Variants in TRDN observed in about 807,000 individuals in gnomAD.
TRDN encodes triadin.
In TRDN, 161 loss-of-function variants were observed where a neutral mutation model predicts 149.7. The ratio of observed to expected loss-of-function variants is 1.08; its 90% CI spans 0.95 to 1.23. The LOEUF is 1.23. Among genes scored for constraint, TRDN ranks in the 50% most tolerant of loss-of-function variants. The probability of loss-of-function intolerance (pLI) is 0.00; values close to 1 mark genes in which losing one functional copy is unlikely to be tolerated. For synonymous variants in TRDN, 294 were observed against 250.5 expected, an observed-to-expected ratio of 1.17 and a Z score of -1.64; for missense variants, 896 against 823.5, an observed-to-expected ratio of 1.09 and a Z score of -1.08.
At chr6:123,442,718 T>C (rs1040464750) in intron 10 of TRDN, among the ~76,000 whole-genome samples, 1 of 152,182 alleles carries the variant, frequency 6.6e-6, no homozygotes, top group Non-Finnish European at 1.5e-5. Flanking sequence ...ATAATCTTTT[T>C]AGGTAATTTT....
At chr6:123,581,572 C>G (rs914925298) in intron 1 of TRDN, among the ~76,000 whole-genome samples, 1 of 152,012 alleles carries the variant, frequency 6.6e-6, no homozygotes, top group East Asian at 1.9e-4. Context: ...GAAGGTTATG[C>G]GGTATATAGT....
intron 38 of TRDN, among the ~76,000 whole-genome samples, chr6:123,227,351 A>C (rs1775414605): frequency 2.0e-5 from 3 of 151,886 alleles, no homozygotes; most frequent in Admixed American, 6.6e-5. Flanking sequence ...AAATAACGAT[A>C]TGTTATTTGA....
intron 33 of TRDN, among the ~76,000 whole-genome samples, 199 bp downstream of exon 33, chr6:123,265,119 T>C (rs1229160118): frequency 1.3e-5 from 2 of 152,048 alleles, no homozygotes; most frequent in African/African-American, 4.8e-5. Flanking sequence ...CATTTTCTTT[T>C]AGTTGTGCTT....
intron 24 of TRDN, among the ~76,000 whole-genome samples, chr6:123,300,440 T>C (rs1271730709): frequency 6.6e-6 from 1 of 151,940 alleles, no homozygotes; most frequent in Non-Finnish European, 1.5e-5. Flanking sequence ...AATGAAGTTA[T>C]CATCATTCTG....
At chr6:123,511,550 A>G (rs1463574030) in intron 7 of TRDN, among the ~76,000 whole-genome samples, 3 of 152,210 alleles carry the variant, frequency 2.0e-5, no homozygotes, top group African/African-American at 4.8e-5. Context: ...AAGGTATAAT[A>G]CTGGTCAAAA....
At chr6:123,425,728 G>C (rs1039497099) in intron 12 of TRDN, among the ~76,000 whole-genome samples, 3 of 152,116 alleles carry the variant, frequency 2.0e-5, no homozygotes, top group African/African-American at 7.2e-5. Context: ...GGAGTTGAAA[G>C]CCTAAGTACA....
intron 8 of TRDN, among the ~76,000 whole-genome samples, chr6:123,500,698 A>C (rs1778660089): frequency 6.6e-6 from 1 of 152,150 alleles, no homozygotes; most frequent in Admixed American, 6.6e-5. Flanking sequence ...TTCAAATGAT[A>C]CCTAGTTGGT....
chr6:123,294,981 C>T (rs895729543), intron 24 of TRDN, among the ~76,000 whole-genome samples: 1 of 152,008 alleles, frequency 6.6e-6, no homozygotes, highest in African/African-American at 2.4e-5. Flanking sequence ...TTCTGCAGTC[C>T]GTTAAGATTA....
rs79336476 is a variant in TRDN at position 123,368,949 on chromosome 6, C to A, written c.1274-2767G>T. The stretch of plus-strand genomic sequence containing the variant: ...ACGTATTTTCTGTTGTTATAGTCAT[C>A]TGCTGTATTAATTTCCTAGGACTGC... On this transcript the variant is annotated intron_variant, in intron 19 of 40. Coordinates refer to ENST00000334268, the MANE Select transcript of TRDN (RefSeq NM_006073.4). Among the ~76,000 whole-genome samples the A allele has an allele frequency of 3.0e-3, 460 of 152,258 alleles. 12 individuals are homozygous for A. The East Asian group carries it at 0.075, about 25-fold the overall frequency.
intron 1 of TRDN, among the ~76,000 whole-genome samples, chr6:123,610,051 G>A (rs1185396559): frequency 2.0e-5 from 3 of 152,084 alleles, no homozygotes; most frequent in Non-Finnish European, 4.4e-5. Flanking sequence ...ACAACCACAA[G>A]TGATTTCAAA....
chr6:123,341,604 G>C (rs544537045), intron 21 of TRDN, among the ~76,000 whole-genome samples: 2 of 151,934 alleles, frequency 1.3e-5, no homozygotes, highest in East Asian at 3.9e-4. Context: ...AATGACATCT[G>C]AACAATGTTG....
At chr6:123,261,666 A>G (rs1354979094) in intron 33 of TRDN, among the ~76,000 whole-genome samples, 1 of 151,756 alleles carries the variant, frequency 6.6e-6, no homozygotes, top group African/African-American at 2.4e-5. Flanking sequence ...TTGAGTAGCT[A>G]TTTTCAAAAT....
chr6:123,501,522 G>A (rs1778699479), intron 8 of TRDN, among the ~76,000 whole-genome samples: 1 of 151,356 alleles, frequency 6.6e-6, no homozygotes, highest in South Asian at 2.1e-4. Flanking sequence ...AATGTAATTA[G>A]TTTTCTTTAA....
intron 6 of TRDN, among the ~76,000 whole-genome samples, chr6:123,513,272 A>C (rs1227107258): frequency 3.3e-5 from 5 of 152,214 alleles, no homozygotes; most frequent in Non-Finnish European, 5.9e-5. Flanking sequence ...TATTCAAACA[A>C]GGTCACAGGA....
chr6:123,530,405 C>G, intron 5 of TRDN, 101 bp downstream of exon 5: 1 of 668,440 alleles, frequency 1.5e-6, no homozygotes, highest in Non-Finnish European at 2.1e-6. Context: ...TATTTAATAT[C>G]AAAAATGTTA....
chr6:123,255,132 A>C lies in TRDN; in HGVS notation c.1907-7T>G, dbSNP rs1185297015. ...CTTTCTTTTCTTGTTGAGACTGTTAATAAGGAAAATGTAAATTAAAATATA... is the reference window on the plus strand; with the variant it reads ...CTTTCTTTTCTTGTTGAGACTGTTACTAAGGAAAATGTAAATTAAAATATA... On this transcript the variant is annotated splice_polypyrimidine_tract_variant and splice_region_variant and intron_variant, in intron 36 of 40. Transcript: ENST00000334268. 2 of 1,255,844 alleles carry C rather than the reference A, an allele frequency of 1.6e-6. No homozygotes were observed. The highest frequency in any genetic ancestry group is 2.2e-6 in the Non-Finnish European group (2 of 921,326). 77.8% of individuals were successfully genotyped at this position (1,255,844 alleles called of 1,614,324 possible). A position where few individuals can be genotyped will look rare whatever the true frequency, so the allele number is the denominator to read the frequency against.
chr6:123,490,886 C>T (rs1169677912), intron 9 of TRDN, among the ~76,000 whole-genome samples: 1 of 152,100 alleles, frequency 6.6e-6, no homozygotes, highest in Non-Finnish European at 1.5e-5. Context: ...GGGCGGATCA[C>T]GAGGTCAAGA....
intron 4 of TRDN, among the ~76,000 whole-genome samples, chr6:123,533,443 T>C (rs1314700730): frequency 6.6e-6 from 1 of 152,052 alleles, no homozygotes; most frequent in Non-Finnish European, 1.5e-5. Context: ...CTACTCTAAC[T>C]TAGATTTTGC....
intron 12 of TRDN, among the ~76,000 whole-genome samples, chr6:123,414,295 A>G (rs74439350): frequency 0.018 from 2,682 of 152,202 alleles, 60 homozygotes; most frequent in East Asian, 0.079. Flanking sequence ...CTGAAATGTC[A>G]TTAAAACACA....
Sources: allele counts gnomAD v4.1 joint callset (sites outside exome capture counted in the v4.1 genomes callset), GRCh38; gene constraint gnomAD v4.1.1; transcripts MANE v1.5; gene names NCBI Gene and HGNC (gene_info 2026-07-23, HGNC 2026-07-21).